The following DEFB119 variants were observed in gnomAD, a reference collection of about 807,000 sequenced individuals.
DEFB119 encodes defensin beta 119.
In DEFB119, 3 loss-of-function variants were observed where a neutral mutation model predicts 2.5. The ratio of observed to expected loss-of-function variants is 1.19; its 90% CI spans 0.54 to 3.07. The LOEUF (loss-of-function observed/expected upper bound fraction) is 3.07, where lower values mean the gene tolerates loss of function less well. Ranked by LOEUF, DEFB119 falls within the 30% of genes most tolerant of loss-of-function variation. The pLI, the probability that DEFB119 is intolerant of heterozygous loss-of-function variation, is 0.03. For synonymous variants in DEFB119, 29 were observed against 33.7 expected (o/e 0.86, Z 0.48); for missense variants, 113 against 101.1 (o/e 1.12, Z -0.50).
In DEFB119 at chr20:31,390,502, G is replaced by C. The variant is rs748568117; in HGVS notation, c.-19C>G. ...GTTTCATGGCTGGCAGACCTGAGAG[G>C]AGGAGGTGGCTGAGCTGCAGGGGAA... On this transcript the variant is annotated 5_prime_UTR_variant, in exon 1 of 2. Transcript: ENST00000376321. The C allele has an allele frequency of 1.9e-6, 3 of 1,612,656 alleles. No individual in the cohort carries two copies. The African/African-American group carries it at 4.0e-5, about 22-fold the overall frequency.
chr20:31,389,109 T>C (rs764291046), intron 1 of DEFB119: 2 of 1,614,240 alleles, frequency 1.2e-6, no homozygotes, highest in Admixed American at 3.3e-5. Flanking sequence ...CATGAATTGT[T>C]ACTGGTTGGA....
intron 1 of DEFB119, among the ~76,000 whole-genome samples, chr20:31,380,041 C>G (rs747509097): frequency 6.6e-6 from 1 of 152,154 alleles, no homozygotes; most frequent in African/African-American, 2.4e-5. Flanking sequence ...TGAAAATAAT[C>G]TTGCCCTGTT....
intron 1 of DEFB119, chr20:31,389,070 C>T (rs1181150575): frequency 1.9e-6 from 3 of 1,614,038 alleles, no homozygotes; most frequent in South Asian, 1.1e-5. Flanking sequence ...CTGTTGTGGA[C>T]ATCTGAGGAG....
rs547881716 is a variant in DEFB119, at chr20:31,378,281, G to A, written c.62-842C>T. On this transcript the variant is annotated intron_variant, in intron 1 of 1. Transcript: ENST00000376321. ...CTGAGATGTGACTTGGAGGCCACAC[G>A]GGGAACAGAACATCCCTCCCCATCC... 3.1e-5 allele frequency: 50 copies of A among 1,611,426 alleles called. No individual in the cohort carries two copies. The Middle Eastern group carries it at 8.3e-4, about 27-fold the overall frequency.
intron 1 of DEFB119, among the ~76,000 whole-genome samples, chr20:31,381,093 C>A (rs1046415323): frequency 7.2e-5 from 11 of 152,082 alleles, no homozygotes; most frequent in African/African-American, 2.7e-4. Flanking sequence ...TTTCTTTTAT[C>A]AATATTCTAT....
intron 1 of DEFB119, among the ~76,000 whole-genome samples, chr20:31,385,061 A>G (rs150421851): frequency 2.7e-4 from 41 of 152,348 alleles, no homozygotes; most frequent in African/African-American, 9.9e-4. Context: ...CAATACAATT[A>G]ACAAACATTT....
chr20:31,382,749 A>G (rs1986546124), intron 1 of DEFB119, among the ~76,000 whole-genome samples: 1 of 152,184 alleles, frequency 6.6e-6, no homozygotes. Context: ...AGAAACACTC[A>G]CTAAATCGCA....
rs529296684 is a variant in DEFB119 at position 31,381,940 on chromosome 20, C to T, written c.62-4501G>A. On this transcript the variant is annotated intron_variant, in intron 1 of 1. Coordinates refer to ENST00000376321, the MANE Select transcript of DEFB119 (RefSeq NM_153289.4). ...GATGGGAAAACAGATTAGTGGTTACCAAGGGTTAAGCATAGTGACAGTGGG... is the reference window on the plus strand; with the variant it reads ...GATGGGAAAACAGATTAGTGGTTACTAAGGGTTAAGCATAGTGACAGTGGG... Among the ~76,000 whole-genome samples the T allele has an allele frequency of 4.6e-5, 7 of 152,224 alleles. No homozygotes were observed. In the South Asian group the frequency reaches 8.3e-4, roughly 18 times the overall value.
At chr20:31,381,606 A>T (rs1986509119) in intron 1 of DEFB119, among the ~76,000 whole-genome samples, 1 of 152,254 alleles carries the variant, frequency 6.6e-6, no homozygotes, top group Non-Finnish European at 1.5e-5. Context: ...TGAGCTCAGG[A>T]GTTCGAGACC....
intron 1 of DEFB119, among the ~76,000 whole-genome samples, chr20:31,377,762 C>T (rs1463384025): frequency 6.6e-6 from 1 of 152,078 alleles, no homozygotes; most frequent in African/African-American, 2.4e-5. Context: ...CTTTTTGCCT[C>T]ATCGATTCCA....
intron 1 of DEFB119, among the ~76,000 whole-genome samples, chr20:31,380,122 T>C (rs1986453340): frequency 6.6e-6 from 1 of 152,222 alleles, no homozygotes; most frequent in South Asian, 2.1e-4. Flanking sequence ...TTTGAGTAAG[T>C]GCAATTTATT....
At chr20:31,378,992 C>T (rs988180681) in intron 1 of DEFB119, among the ~76,000 whole-genome samples, 1 of 149,808 alleles carries the variant, frequency 6.7e-6, no homozygotes, top group Admixed American at 6.7e-5. Context: ...GGCTGGAGTG[C>T]AGTGGCGCAA....
intron 1 of DEFB119, chr20:31,389,308 CAGG>C: frequency 6.3e-7 from 1 of 1,590,406 alleles, no homozygotes; most frequent in South Asian, 1.1e-5. Context: ...AGAGGAGGAA[CAGG>C]AGGACAGGGA....
chr20:31,377,349 T>C lies in DEFB119; in HGVS notation c.152A>G (p.Asn51Ser). ...KNEQPYLYCRNCQSCCLQSYM... is the reference protein window; with the variant it reads ...KNEQPYLYCRSCQSCCLQSYM... ...GGACTGGAGGCAGCAGGACTGACAA[T>C]TTCTGCAATAGAGGTAGGGCTGTTC... Residue 51 changes from asparagine (N) to serine (S), a missense_variant, in exon 2 of 2, where the codon AAT (asparagine) becomes AGT (serine). Physicochemically the swap from Asn to Ser is conservative, Grantham distance 46 (BLOSUM62 1). Coordinates refer to ENST00000376321, the MANE Select transcript of DEFB119 (RefSeq NM_153289.4). 1 of 1,614,140 alleles carries C rather than the reference T, an allele frequency of 6.2e-7. No homozygotes were observed. Among genetic ancestry groups the C allele is most frequent in the Non-Finnish European group, 8.5e-7 (1 of 1,180,008 alleles).
chr20:31,384,486 A>G (rs1359561572), intron 1 of DEFB119, among the ~76,000 whole-genome samples: 1 of 152,230 alleles, frequency 6.6e-6, no homozygotes, highest in African/African-American at 2.4e-5. Flanking sequence ...AAAACAAAAA[A>G]GTAAACTATA....
At chr20:31,379,092 C>A (rs960449973) in intron 1 of DEFB119, among the ~76,000 whole-genome samples, 1 of 152,058 alleles carries the variant, frequency 6.6e-6, no homozygotes, top group Non-Finnish European at 1.5e-5. Flanking sequence ...TGCACGCCAT[C>A]ACACCCAGAT....
At chr20:31,383,533 T>A (rs1989599) in intron 1 of DEFB119, among the ~76,000 whole-genome samples, 27,182 of 55,382 alleles carry the variant, frequency 0.49, 5,442 homozygotes, top group African/African-American at 0.54. Flanking sequence ...GACTCTGTCT[T>A]AAAAAAAAAA....
intron 1 of DEFB119, chr20:31,388,454 G>T: frequency 3.7e-6 from 1 of 268,084 alleles, no homozygotes; most frequent in Non-Finnish European, 5.8e-6. Context: ...AAGTGGCAGA[G>T]CTGAAGTGAA....
chr20:31,382,895 C>T (rs947436658), intron 1 of DEFB119, among the ~76,000 whole-genome samples: 1 of 152,176 alleles, frequency 6.6e-6, no homozygotes. Flanking sequence ...AATAATTACA[C>T]AATAACATAA....
Sources: gnomAD v4.1 joint callset for allele counts (sites outside exome capture counted in the v4.1 genomes callset) on GRCh38, gnomAD v4.1.1 for gene constraint, MANE v1.5 for transcripts, NCBI Gene and HGNC (gene_info 2026-07-23, HGNC 2026-07-21) for gene names.